Variants in RAB30 observed in about 807,000 individuals in gnomAD.
The protein encoded by RAB30 is ras-related protein Rab-30.
RAB30 carries 9 observed loss-of-function variants against 25.1 expected under a neutral mutation model. That is an observed-to-expected ratio of 0.36 (90% CI 0.22 to 0.63). The LOEUF (loss-of-function observed/expected upper bound fraction) is 0.63. RAB30 is among the 20% of genes least tolerant of loss of function. RAB30 has a pLI of 0.69. For synonymous variants in RAB30, 77 were observed against 86.4 expected (o/e 0.89, Z 0.60); for missense variants, 140 against 243.5 (o/e 0.58, Z 2.83).
At chr11:83,043,793 C>A (rs1197225635) in intron 1 of RAB30, among the ~76,000 whole-genome samples, 2 of 152,046 alleles carry the variant, frequency 1.3e-5, no homozygotes, top group African/African-American at 2.4e-5. Context: ...GAAAAAAAAC[C>A]ACACACCTCT....
At chr11:83,066,172 T>C (rs7948262) in intron 1 of RAB30, among the ~76,000 whole-genome samples, 1,543 of 152,238 alleles carry the variant, frequency 0.01, 17 homozygotes, top group Middle Eastern at 0.044. Flanking sequence ...GCCAAGAAAA[T>C]AGGGCAATGG....
At chr11:83,065,092 G>T (rs751520903) in intron 1 of RAB30, among the ~76,000 whole-genome samples, 13 of 151,924 alleles carry the variant, frequency 8.6e-5, no homozygotes, top group South Asian at 2.1e-4. Context: ...TTTATGGTTA[G>T]ATTTTTTTTT....
intron 1 of RAB30, among the ~76,000 whole-genome samples, chr11:83,020,675 C>T (rs568302573): frequency 6.6e-6 from 1 of 152,310 alleles, no homozygotes; most frequent in South Asian, 2.1e-4. Flanking sequence ...TGCCCATGGC[C>T]ACCCATGGAC....
At chr11:83,034,008 A>G (rs541088124) in intron 1 of RAB30, 1 of 152,230 alleles carries the variant, frequency 6.6e-6, no homozygotes, top group Non-Finnish European at 1.5e-5. Context: ...CCATCCTCAA[A>G]AGCAAGCTGT....
At chr11:83,050,161 G>T (rs1263702036) in intron 1 of RAB30, among the ~76,000 whole-genome samples, 2 of 151,950 alleles carry the variant, frequency 1.3e-5, no homozygotes, top group African/African-American at 4.8e-5. Context: ...TACTTAGGAG[G>T]CTGAGGACTA....
intron 1 of RAB30, among the ~76,000 whole-genome samples, chr11:83,065,511 G>A (rs768984215): frequency 2.0e-5 from 3 of 152,206 alleles, no homozygotes; most frequent in South Asian, 2.1e-4. Context: ...TCTTCCTGCC[G>A]TGGCCTCCCA....
At chr11:82,996,682 T>G (rs1856965322) in intron 2 of RAB30, among the ~76,000 whole-genome samples, 1 of 152,238 alleles carries the variant, frequency 6.6e-6, no homozygotes, top group African/African-American at 2.4e-5. Flanking sequence ...GGCCATTCAA[T>G]TCAGTTCAGA....
At chr11:83,021,620 C>A (rs1166220858) in intron 1 of RAB30, among the ~76,000 whole-genome samples, 1 of 152,244 alleles carries the variant, frequency 6.6e-6, no homozygotes, top group Non-Finnish European at 1.5e-5. Flanking sequence ...TGACTCCAGT[C>A]TCCCTTGGAG....
chr11:83,055,459 T>C (rs1204290051), intron 1 of RAB30, among the ~76,000 whole-genome samples: 1 of 152,224 alleles, frequency 6.6e-6, no homozygotes, highest in African/African-American at 2.4e-5. Flanking sequence ...GAGTTGCCCT[T>C]CTCACCTTCC....
At chr11:83,040,139 T>C (rs1184736449) in intron 1 of RAB30, among the ~76,000 whole-genome samples, 7 of 151,976 alleles carry the variant, frequency 4.6e-5, no homozygotes, top group Non-Finnish European at 4.4e-5. Context: ...CAAGAGGGAA[T>C]AGGATACAAC....
chr11:82,984,465 T>C (rs1856701084), intron 4 of RAB30, among the ~76,000 whole-genome samples: 1 of 152,166 alleles, frequency 6.6e-6, no homozygotes. Context: ...GCTACTGGGA[T>C]TACTTCCACT....
chr11:83,045,096 G>A (rs567185392), intron 1 of RAB30, among the ~76,000 whole-genome samples: 11 of 152,304 alleles, frequency 7.2e-5, no homozygotes, highest in Admixed American at 3.3e-4. Context: ...AGGACTAGCC[G>A]TCAGCAGACC....
intron 3 of RAB30, among the ~76,000 whole-genome samples, chr11:82,993,464 A>G (rs545705723): frequency 1.3e-5 from 2 of 152,350 alleles, no homozygotes; most frequent in East Asian, 1.9e-4. Context: ...TAGGTACTCA[A>G]TAAACATTCT....
intron 3 of RAB30, among the ~76,000 whole-genome samples, chr11:82,989,642 G>C (rs17144459): frequency 1.3e-5 from 2 of 152,230 alleles, no homozygotes; most frequent in Non-Finnish European, 2.9e-5. Flanking sequence ...GAACTGTTCA[G>C]TATTAGAAAT....
intron 1 of RAB30, among the ~76,000 whole-genome samples, chr11:83,032,630 A>G (rs578112349): frequency 6.6e-6 from 1 of 152,320 alleles, no homozygotes; most frequent in East Asian, 1.9e-4. Context: ...GCATCTGGTC[A>G]CAATTTTTAT....
chr11:83,026,309 T>C (rs1337900775), intron 1 of RAB30, among the ~76,000 whole-genome samples: 1 of 152,228 alleles, frequency 6.6e-6, no homozygotes, highest in Admixed American at 6.5e-5. Context: ...TCAAATCTCA[T>C]GTTGAAATGT....
rs374642975 is a variant in RAB30 at position 82,997,195 on chromosome 11, C to T, written c.93+29G>A. On this transcript the variant is annotated intron_variant, in intron 2 of 4. Transcript: ENST00000527633. ...CTAGACTGACAAACCCAACCCTGGGCTTACGAGTTCCCTTACGAGTTCCCT... is the reference window on the plus strand; with the variant it reads ...CTAGACTGACAAACCCAACCCTGGGTTTACGAGTTCCCTTACGAGTTCCCT... 9.6e-6 allele frequency: 15 copies of T among 1,560,774 alleles called. No individual in the cohort carries two copies. The African/African-American group carries it at 1.2e-4, about 13-fold the overall frequency.
intron 1 of RAB30, among the ~76,000 whole-genome samples, chr11:83,014,405 GGAT>G (rs1395612941): frequency 4.6e-5 from 7 of 151,472 alleles, no homozygotes; most frequent in African/African-American, 1.5e-4. Flanking sequence ...AAAATTAGCT[GGAT>G]GTGGTGGTAC....
At position 82,987,783 on chromosome 11, in the gene RAB30, A is replaced by G. The variant is rs1331853080; in HGVS notation, c.178-13T>C. The G allele has an allele frequency of 1.3e-6, 2 of 1,571,916 alleles. No homozygotes were observed. Among genetic ancestry groups the G allele is most frequent in the Non-Finnish European group, 8.7e-7 (1 of 1,149,528 alleles). The stretch of plus-strand genomic sequence containing the variant: ...CCCAGATCTGTAGCTGTAAAGGCAT[A>G]AGATAAGAATCAGGTGAAGAAGGAT... On this transcript the variant is annotated splice_polypyrimidine_tract_variant and intron_variant, in intron 3 of 4. Coordinates refer to ENST00000527633, the MANE Select transcript of RAB30 (RefSeq NM_001286060.2).
Sources: allele counts gnomAD v4.1 joint callset (sites outside exome capture counted in the v4.1 genomes callset), GRCh38; gene constraint gnomAD v4.1.1; transcripts MANE v1.5; gene names NCBI Gene and HGNC (gene_info 2026-07-23, HGNC 2026-07-21).